Variants in ZFPM2 observed in about 807,000 individuals in gnomAD.
ZFPM2 encodes the protein zinc finger protein ZFPM2.
A neutral mutation model predicts 98.6 loss-of-function variants in ZFPM2; 20 were observed. The observed-to-expected ratio is 0.20, with a 90% CI of 0.14 to 0.29. The LOEUF (loss-of-function observed/expected upper bound fraction) is 0.29, where lower values mean the gene tolerates loss of function less well. ZFPM2 is among the 10% of genes least tolerant of loss of function. The probability of loss-of-function intolerance (pLI) is 1.00; values close to 1 mark genes in which losing one functional copy is unlikely to be tolerated. For synonymous variants in ZFPM2, 518 were observed against 502.7 expected (o/e 1.03, Z -0.41); for missense variants, 1,310 against 1,388.6 (o/e 0.94, Z 0.90).
At chr8:105,569,251 T>A (rs1815305984) in intron 4 of ZFPM2, among the ~76,000 whole-genome samples, 1 of 152,210 alleles carries the variant, frequency 6.6e-6, no homozygotes, top group South Asian at 2.1e-4. Flanking sequence ...GAACAATGTC[T>A]AGCTTATACT....
Position 105,349,084 on chromosome 8 carries a change from T to C in ZFPM2, c.40+30103T>C, listed in dbSNP as rs570541915. Among the ~76,000 whole-genome samples the C allele has an allele frequency of 2.1e-3, 325 of 152,302 alleles. 2 individuals carry two copies. Among genetic ancestry groups the C allele is most frequent in the African/African-American group, 7.4e-3 (306 of 41,578 alleles). ...TGAGCCCAAGGAGCCTGGGTTTAAATTGTCCCGCTACAGGTTTTACTATTA... is the reference window on the plus strand; with the variant it reads ...TGAGCCCAAGGAGCCTGGGTTTAAACTGTCCCGCTACAGGTTTTACTATTA... On this transcript the variant is annotated intron_variant, in intron 1 of 7. Coordinates refer to ENST00000407775, the MANE Select transcript of ZFPM2 (RefSeq NM_012082.4).
intron 2 of ZFPM2, among the ~76,000 whole-genome samples, chr8:105,423,500 G>C (rs1408651822): frequency 6.6e-6 from 1 of 152,136 alleles, no homozygotes; most frequent in Non-Finnish European, 1.5e-5. Flanking sequence ...TTTAGAGTAC[G>C]TGGCATCTTG....
At chr8:105,495,994 C>T (rs573843541) in intron 3 of ZFPM2, among the ~76,000 whole-genome samples, 52 of 152,166 alleles carry the variant, frequency 3.4e-4, no homozygotes, top group African/African-American at 1.2e-3. Context: ...TTTTACGTAG[C>T]CATATTAGGA....
At chr8:105,504,736 G>A (rs1813662892) in intron 3 of ZFPM2, among the ~76,000 whole-genome samples, 1 of 152,252 alleles carries the variant, frequency 6.6e-6, no homozygotes, top group Admixed American at 6.5e-5. Flanking sequence ...GTATAATAAT[G>A]ATTTCTAATT....
chr8:105,419,842 A>G (rs1003047186), intron 2 of ZFPM2, among the ~76,000 whole-genome samples: 1 of 151,690 alleles, frequency 6.6e-6, no homozygotes, highest in Non-Finnish European at 1.5e-5. Context: ...TGACACATTA[A>G]CAATATAATC....
chr8:105,465,017 C>G (rs1347246790), intron 3 of ZFPM2, among the ~76,000 whole-genome samples: 1 of 149,800 alleles, frequency 6.7e-6, no homozygotes, highest in Non-Finnish European at 1.5e-5. Flanking sequence ...CAGCCTGTAT[C>G]GTAGTTGTCA....
At chr8:105,507,878 T>G (rs1044868244) in intron 3 of ZFPM2, among the ~76,000 whole-genome samples, 2 of 152,158 alleles carry the variant, frequency 1.3e-5, no homozygotes, top group Non-Finnish European at 2.9e-5. Flanking sequence ...TTGAAACTGA[T>G]GAGTAGGTTA....
chr8:105,787,639 G>A (rs1216300315), intron 5 of ZFPM2: 1 of 152,098 alleles, frequency 6.6e-6, no homozygotes, highest in Non-Finnish European at 1.5e-5. Flanking sequence ...AGACAGTTAT[G>A]TTGAAAGATA....
intron 4 of ZFPM2, among the ~76,000 whole-genome samples, chr8:105,563,338 T>C (rs1051747566): frequency 2.6e-5 from 4 of 152,212 alleles, no homozygotes; most frequent in Non-Finnish European, 4.4e-5. Flanking sequence ...AATATTTGTG[T>C]TACCAAACTT....
intron 4 of ZFPM2, among the ~76,000 whole-genome samples, chr8:105,595,885 G>A (rs1815958751): frequency 6.6e-6 from 1 of 150,950 alleles, no homozygotes; most frequent in African/African-American, 2.4e-5. Flanking sequence ...TTTCAAAATA[G>A]AATAATATAC....
intron 4 of ZFPM2, among the ~76,000 whole-genome samples, chr8:105,581,569 T>C (rs1287455180): frequency 6.6e-6 from 1 of 152,134 alleles, no homozygotes; most frequent in African/African-American, 2.4e-5. Flanking sequence ...AATACTGTAA[T>C]TGGATCAGAG....
Position 105,746,411 on chromosome 8 carries a change from A to G in ZFPM2, c.533-42307A>G, listed in dbSNP as rs137936452. On this transcript the variant is annotated intron_variant, in intron 5 of 7. Transcript: ENST00000407775. The stretch of plus-strand genomic sequence containing the variant: ...TAACTGTCTAAATTTGATTGTTTCA[A>G]TTGGAAGGTTAAATATTTTCTAGTG... 5.3e-3 allele frequency among the ~76,000 whole-genome samples: 810 copies of G among 152,194 alleles called. 4 individuals carry two copies. The highest frequency in any genetic ancestry group is 0.014 in the Middle Eastern group (4 of 294).
chr8:105,390,587 C>A (rs1296705759), intron 1 of ZFPM2, among the ~76,000 whole-genome samples: 1 of 152,148 alleles, frequency 6.6e-6, no homozygotes, highest in African/African-American at 2.4e-5. Context: ...ATCTCCACTC[C>A]CCCGTATCCT....
At chr8:105,543,744 CTTTT>C (rs1814631127) in intron 3 of ZFPM2, among the ~76,000 whole-genome samples, 1 of 152,118 alleles carries the variant, frequency 6.6e-6, no homozygotes, top group South Asian at 2.1e-4. Flanking sequence ...TTCCTTCCTT[CTTTT>C]GTGTATTCAA....
chr8:105,798,561 C>T (rs977645448), intron 6 of ZFPM2, 163 bp from the exon 7 acceptor site: 7 of 581,956 alleles, frequency 1.2e-5, no homozygotes, highest in African/African-American at 5.6e-5. Context: ...CTTTAAAAGT[C>T]GAGTCCTATG....
chr8:105,616,384 C>T (rs1419671650), intron 4 of ZFPM2, among the ~76,000 whole-genome samples: 2 of 151,952 alleles, frequency 1.3e-5, no homozygotes, highest in East Asian at 3.9e-4. Context: ...GTTTTCTCCC[C>T]AGGAACAATC....
intron 4 of ZFPM2, among the ~76,000 whole-genome samples, chr8:105,578,766 C>T (rs1292222512): frequency 1.3e-5 from 2 of 152,040 alleles, no homozygotes; most frequent in Non-Finnish European, 2.9e-5. Flanking sequence ...ACTAGAGTGG[C>T]TTAAGTTGGA....
At chr8:105,579,038 C>T (rs1324393557) in intron 4 of ZFPM2, among the ~76,000 whole-genome samples, 3 of 152,004 alleles carry the variant, frequency 2.0e-5, no homozygotes, top group African/African-American at 7.2e-5. Flanking sequence ...TAACCATACA[C>T]TCTGTGGCAT....
At chr8:105,487,426 G>T (rs1005175008) in intron 3 of ZFPM2, among the ~76,000 whole-genome samples, 2 of 152,068 alleles carry the variant, frequency 1.3e-5, no homozygotes, top group African/African-American at 4.8e-5. Flanking sequence ...GCCACAATAT[G>T]TCATATTATA....
Sources: allele counts gnomAD v4.1 joint callset (sites outside exome capture counted in the v4.1 genomes callset), GRCh38; gene constraint gnomAD v4.1.1; transcripts MANE v1.5; gene names NCBI Gene and HGNC (gene_info 2026-07-23, HGNC 2026-07-21).